The following DPYSL2 variants were observed in gnomAD, a reference collection of about 807,000 sequenced individuals.
DPYSL2 encodes dihydropyrimidinase like 2, also known as dihydropyrimidinase-related protein 2.
In DPYSL2, 13 loss-of-function variants were observed where a neutral mutation model predicts 69.9. That is an observed-to-expected ratio of 0.19 (90% CI 0.12 to 0.30). DPYSL2 has a LOEUF of 0.30. Among genes scored for constraint, DPYSL2 ranks in the 10% least tolerant of loss-of-function variants. The pLI, the probability that DPYSL2 is intolerant of heterozygous loss-of-function variation, is 1.00. For missense variants in DPYSL2, 587 were observed against 918.9 expected, an observed-to-expected ratio of 0.64 and a Z score of 4.67; for synonymous variants, 326 against 359.1, an observed-to-expected ratio of 0.91 and a Z score of 1.04.
In DPYSL2 at chr8:26,588,344, C is replaced by A. The variant is rs577740831; in HGVS notation, c.628+4361C>A. On this transcript the variant is annotated intron_variant, in intron 3 of 13. Transcript: ENST00000521913. This position sits in a 1 kb window ranked among gnomAD's most constrained non-coding sequence, Gnocchi z 5.4. ...CTTGAAACATTACACTTCCTGGGTC[C>A]CACCTTACCTGGTTAAAGTAGCAAA... Among the ~76,000 whole-genome samples the A allele has an allele frequency of 6.6e-6, 1 of 152,298 alleles. No homozygotes were observed. The highest frequency in any genetic ancestry group is 1.9e-4 in the East Asian group (1 of 5,170).
At chr8:26,575,806 C>G (rs932179228) in intron 1 of DPYSL2, among the ~76,000 whole-genome samples, 1 of 152,154 alleles carries the variant, frequency 6.6e-6, no homozygotes, top group Admixed American at 6.5e-5. Context: ...TTATAGGTTA[C>G]TTTGTTTTAA....
rs898424173 is a variant in DPYSL2, at chr8:26,654,021, C to T, written c.1942+624C>T. On this transcript the variant is annotated intron_variant, in intron 13 of 13. Transcript: ENST00000521913. This position sits in a 1 kb window ranked among gnomAD's most constrained non-coding sequence, Gnocchi z 5.0. ...CATAAGAAAGGACACTGTGGTATTT[C>T]AGGACTTCTCTTCTCTCCTACAGTA... Among the ~76,000 whole-genome samples the T allele has an allele frequency of 6.6e-6, 1 of 152,188 alleles. No homozygotes were observed. The highest frequency in any genetic ancestry group is 1.5e-5 in the Non-Finnish European group (1 of 68,038).
chr8:26,550,950 G>A (rs1157201579), intron 1 of DPYSL2, among the ~76,000 whole-genome samples: 3 of 152,172 alleles, frequency 2.0e-5, no homozygotes, highest in South Asian at 2.1e-4. Context: ...CTCTGGAAGT[G>A]AGAGAGTTTA....
In DPYSL2 at chr8:26,556,317, CTA is replaced by C. The variant is rs1180132565; in HGVS notation, c.355-25643_355-25642del. The stretch of plus-strand genomic sequence containing the variant: ...ATAGTATATATATAGTATATATATA[CTA>C]TATATATAGTATATATATAGTATAT... On this transcript the variant is annotated intron_variant, in intron 1 of 13. Coordinates refer to ENST00000521913, the MANE Select transcript of DPYSL2 (RefSeq NM_001197293.3). 5.1e-4 allele frequency among the ~76,000 whole-genome samples: 2 copies of C among 3,904 alleles called. 1 individual carries two copies. The highest frequency in any genetic ancestry group is 1.3e-3 in the Non-Finnish European group (2 of 1,504). The allele number at this position is 3,904 out of a possible 152,430, so 2.6% of individuals were successfully genotyped here.
At chr8:26,635,346 C>T (rs1802887014) in intron 8 of DPYSL2, among the ~76,000 whole-genome samples, 1 of 152,220 alleles carries the variant, frequency 6.6e-6, no homozygotes, top group African/African-American at 2.4e-5. Context: ...TTGCCCCAGA[C>T]ACTATCACAT....
At chr8:26,573,895 A>ATTT (rs11340126) in intron 1 of DPYSL2, among the ~76,000 whole-genome samples, 3 of 139,406 alleles carry the variant, frequency 2.2e-5, no homozygotes, top group Non-Finnish European at 4.5e-5. Flanking sequence ...TGCATTGGGG[A>ATTT]TTTTTTTTTT....
intron 1 of DPYSL2, among the ~76,000 whole-genome samples, chr8:26,520,631 G>C (rs1038704622): frequency 6.6e-6 from 1 of 152,168 alleles, no homozygotes; most frequent in African/African-American, 2.4e-5. Context: ...AACTGTGATA[G>C]TATGAATGAC....
chr8:26,518,958 C>T (rs1190620634), intron 1 of DPYSL2, among the ~76,000 whole-genome samples: 1 of 152,212 alleles, frequency 6.6e-6, no homozygotes, highest in African/African-American at 2.4e-5. Context: ...TATAACCTAA[C>T]TAGAAGAAAA....
chr8:26,655,326 TC>T (rs755917130), intron 13 of DPYSL2, among the ~76,000 whole-genome samples: 15 of 151,950 alleles, frequency 9.9e-5, no homozygotes, highest in Non-Finnish European at 1.9e-4. Context: ...GCGAAACCCC[TC>T]TTTACAAAAA....
chr8:26,625,690 G>A (rs1002513806), intron 4 of DPYSL2, among the ~76,000 whole-genome samples: 12 of 152,230 alleles, frequency 7.9e-5, no homozygotes, highest in African/African-American at 2.6e-4. Context: ...AAATCAGCAT[G>A]GAAGGCAGTC....
chr8:26,522,613 T>C (rs920153582), intron 1 of DPYSL2, among the ~76,000 whole-genome samples: 22 of 152,222 alleles, frequency 1.4e-4, no homozygotes, highest in African/African-American at 5.3e-4. Context: ...GTTGAGCATC[T>C]TTTCTCCTGC....
In DPYSL2 at chr8:26,657,154, T is replaced by G. The variant is rs1285388543; in HGVS notation, c.*1448T>G. On this transcript the variant is annotated 3_prime_UTR_variant, in exon 14 of 14. Coordinates refer to ENST00000521913, the MANE Select transcript of DPYSL2 (RefSeq NM_001197293.3). ...AGTCATTGGGAAACTTAAAGTCTAT[T>G]CTACTTTGCAAGAGGAGAAATGTGT... 6.6e-6 allele frequency: 1 copy of G among 152,404 alleles called. No individual in the cohort carries two copies. The highest frequency in any genetic ancestry group is 6.5e-5 in the Admixed American group (1 of 15,278). 9.4% of individuals were successfully genotyped at this position (152,404 alleles called of 1,614,324 possible).
intron 1 of DPYSL2, among the ~76,000 whole-genome samples, chr8:26,579,502 G>A (rs2585457): frequency 0.76 from 115,298 of 152,102 alleles, 44,080 homozygotes; most frequent in East Asian, 0.93. Flanking sequence ...GCCTTTTAAA[G>A]CAGTCAGGAT....
At chr8:26,577,035 C>T (rs1164170842) in intron 1 of DPYSL2, 1 of 369,378 alleles carries the variant, frequency 2.7e-6, no homozygotes, top group Non-Finnish European at 5.4e-6. Context: ...TTCCTCCGCC[C>T]TACTAAGTTC....
rs774542529 is a variant in DPYSL2 at position 26,626,247 on chromosome 8, C to A, written c.794-370C>A. On this transcript the variant is annotated intron_variant, in intron 4 of 13. Coordinates refer to ENST00000521913, the MANE Select transcript of DPYSL2 (RefSeq NM_001197293.3). This position sits in a 1 kb window ranked among gnomAD's most constrained non-coding sequence, Gnocchi z 4.3. ...TTATTCATTTATCAGTTAATGGAGG[C>A]TTGATTTTTGCTTCCACCTTTTGGC... Among the ~76,000 whole-genome samples, 1 of 152,148 alleles carries A rather than the reference C, an allele frequency of 6.6e-6. No individual in the cohort carries two copies. The highest frequency in any genetic ancestry group is 1.5e-5 in the Non-Finnish European group (1 of 68,024).
At chr8:26,549,419 T>C (rs1465257363) in intron 1 of DPYSL2, among the ~76,000 whole-genome samples, 1 of 151,570 alleles carries the variant, frequency 6.6e-6, no homozygotes, top group African/African-American at 2.4e-5. Flanking sequence ...ATCCAAGAAA[T>C]ACGAGAAAAT....
At chr8:26,519,893 A>G (rs11995523) in intron 1 of DPYSL2, among the ~76,000 whole-genome samples, 108,004 of 152,058 alleles carry the variant, frequency 0.71, 39,375 homozygotes, top group East Asian at 0.94. Context: ...TATTAAGTAG[A>G]TGTTACTCTT....
chr8:26,598,415 C>G lies in DPYSL2; in HGVS notation c.628+14432C>G, dbSNP rs1421886108. The stretch of plus-strand genomic sequence containing the variant: ...CTTTTCTTGCTAAGCCTATTCAGCT[C>G]TGTTTTTTAGAGAGTTCTTTTCCCT... On this transcript the variant is annotated intron_variant, in intron 3 of 13. Transcript: ENST00000521913. This position sits in a 1 kb window ranked among gnomAD's most constrained non-coding sequence, Gnocchi z 4.2. 6.6e-6 allele frequency among the ~76,000 whole-genome samples: 1 copy of G among 152,200 alleles called. No individual in the cohort carries two copies. Among genetic ancestry groups the G allele is most frequent in the Non-Finnish European group, 1.5e-5 (1 of 68,026 alleles).
chr8:26,567,428 C>A (rs938282529), intron 1 of DPYSL2, among the ~76,000 whole-genome samples: 16 of 152,366 alleles, frequency 1.1e-4, no homozygotes, highest in Middle Eastern at 6.8e-3. Flanking sequence ...ATCCATCCAT[C>A]CATCCATCCT....
Sources: gnomAD v4.1 joint callset for allele counts (sites outside exome capture counted in the v4.1 genomes callset) on GRCh38, gnomAD v4.1.1 for gene constraint, Gnocchi (gnomAD v3.1) non-coding constraint, MANE v1.5 for transcripts, NCBI Gene and HGNC (gene_info 2026-07-23, HGNC 2026-07-21) for gene names.